The following SESTD1 variants were observed in gnomAD, a reference collection of about 807,000 sequenced individuals.
The protein encoded by SESTD1 is SEC14 and spectrin domain containing 1, also known as SEC14 domain and spectrin repeat-containing protein 1.
In SESTD1, 43 loss-of-function variants were observed where a neutral mutation model predicts 101.7. That is an observed-to-expected ratio of 0.42 (90% CI 0.33 to 0.55). The LOEUF (loss-of-function observed/expected upper bound fraction) is 0.55. Ranked by LOEUF, SESTD1 falls within the 20% of genes least tolerant of loss-of-function variation. The pLI is 0.07. For synonymous variants in SESTD1, 283 were observed against 286.8 expected, an observed-to-expected ratio of 0.99 and a Z score of 0.13; for missense variants, 647 against 815.1, an observed-to-expected ratio of 0.79 and a Z score of 2.51.
At chr2:179,248,009 T>C (rs1391718629) in intron 1 of SESTD1, among the ~76,000 whole-genome samples, 2 of 151,482 alleles carry the variant, frequency 1.3e-5, no homozygotes, top group Non-Finnish European at 2.9e-5. Context: ...AACCAATAAT[T>C]TAAGCTCCCA....
chr2:179,133,793 T>C (rs1211799450), intron 9 of SESTD1, among the ~76,000 whole-genome samples: 1 of 152,146 alleles, frequency 6.6e-6, no homozygotes, highest in Non-Finnish European at 1.5e-5. Flanking sequence ...TTTATAATTA[T>C]ATAAAAATAC....
chr2:179,232,024 G>T (rs7569887), intron 1 of SESTD1, among the ~76,000 whole-genome samples: 40,567 of 151,742 alleles, frequency 0.27, 5,860 homozygotes, highest in South Asian at 0.39. Context: ...CTTATAAACT[G>T]AACTGAAAAC....
chr2:179,185,540 TATG>T (rs891955807), intron 2 of SESTD1, among the ~76,000 whole-genome samples: 16 of 136,544 alleles, frequency 1.2e-4, no homozygotes, highest in South Asian at 4.4e-4. Context: ...ATATGTAATA[TATG>T]ATATGTACAT....
chr2:179,240,315 G>A (rs542239214), intron 1 of SESTD1, among the ~76,000 whole-genome samples: 4 of 152,164 alleles, frequency 2.6e-5, no homozygotes, highest in African/African-American at 9.6e-5. Flanking sequence ...GGAGTGACTT[G>A]GTGTTCTACT....
At chr2:179,138,100 T>C (rs1382512183) in intron 9 of SESTD1, among the ~76,000 whole-genome samples, 1 of 152,030 alleles carries the variant, frequency 6.6e-6, no homozygotes, top group South Asian at 2.1e-4. Context: ...TCACTTGTTA[T>C]CCTGATAAAG....
intron 4 of SESTD1, among the ~76,000 whole-genome samples, chr2:179,175,944 T>C (rs576772009): frequency 6.6e-6 from 1 of 152,324 alleles, no homozygotes; most frequent in East Asian, 1.9e-4. Flanking sequence ...AAGTTTCTTC[T>C]GGGCTACAAA....
chr2:179,194,531 G>A (rs1371891394), intron 1 of SESTD1, among the ~76,000 whole-genome samples: 2 of 152,072 alleles, frequency 1.3e-5, no homozygotes, highest in African/African-American at 4.8e-5. Flanking sequence ...GCACCCATGA[G>A]GAAAAATCCC....
At chr2:179,257,748 C>T (rs905491303) in intron 1 of SESTD1, among the ~76,000 whole-genome samples, 1 of 152,058 alleles carries the variant, frequency 6.6e-6, no homozygotes, top group African/African-American at 2.4e-5. Flanking sequence ...ATGGAGTGGG[C>T]CACAAATCTA....
chr2:179,241,268 G>A (rs1387868959), intron 1 of SESTD1, among the ~76,000 whole-genome samples: 1 of 152,100 alleles, frequency 6.6e-6, no homozygotes, highest in African/African-American at 2.4e-5. Context: ...AGAAGCAGAG[G>A]AGAAAGGGAG....
chr2:179,183,015 G>A, intron 3 of SESTD1, 65 bp downstream of exon 3: 1 of 1,107,418 alleles, frequency 9.0e-7, no homozygotes, highest in Non-Finnish European at 1.3e-6. Flanking sequence ...TTCAACAATA[G>A]AAAGAATCAT....
At chr2:179,193,908 T>G (rs1353886322) in intron 1 of SESTD1, among the ~76,000 whole-genome samples, 10 of 152,176 alleles carry the variant, frequency 6.6e-5, no homozygotes, top group Admixed American at 6.5e-4. Flanking sequence ...CCCAGTACTA[T>G]TTTACAGCTT....
At chr2:179,187,776 A>G (rs1430902148) in intron 2 of SESTD1, among the ~76,000 whole-genome samples, 1 of 152,226 alleles carries the variant, frequency 6.6e-6, no homozygotes. Context: ...AGCAGGGATC[A>G]CTATTCTCAT....
At position 179,198,313 on chromosome 2, in the gene SESTD1, G is replaced by C. The variant is rs568893667; in HGVS notation, c.-25-6447C>G. ...CACCCAGATTCATAAAGCAAGTACTGAGTGACCTACAAAGAGACTTAGACT... is the reference window on the plus strand; with the variant it reads ...CACCCAGATTCATAAAGCAAGTACTCAGTGACCTACAAAGAGACTTAGACT... On this transcript the variant is annotated intron_variant, in intron 1 of 17. Transcript: ENST00000428443. 9.2e-5 allele frequency among the ~76,000 whole-genome samples: 14 copies of C among 152,202 alleles called. No individual in the cohort carries two copies. In the East Asian group the frequency reaches 9.7e-4, roughly 10 times the overall value.
chr2:179,249,890 CAAAA>C (rs60865157), intron 1 of SESTD1, among the ~76,000 whole-genome samples: 1 of 111,384 alleles, frequency 9.0e-6, no homozygotes. Flanking sequence ...TATCCACAGG[CAAAA>C]AAAAAAAAAA....
rs186952793 is a variant in SESTD1, at chr2:179,163,440, T to C, written c.369+8680A>G. ...ATGAAGAAAAACATTACTAGTTGCG[T>C]TCAAAGTAGCTATCATTTTACTAAG... On this transcript the variant is annotated intron_variant, in intron 5 of 17. Transcript: ENST00000428443. Among the ~76,000 whole-genome samples the C allele has an allele frequency of 3.9e-5, 6 of 152,114 alleles. No homozygotes were observed. In the East Asian group the frequency reaches 1.2e-3, roughly 29 times the overall value.
chr2:179,194,695 C>T (rs935359352), intron 1 of SESTD1, among the ~76,000 whole-genome samples: 2 of 152,158 alleles, frequency 1.3e-5, no homozygotes, highest in African/African-American at 4.8e-5. Context: ...CACATGATCA[C>T]TTGCCTGATT....
intron 2 of SESTD1, among the ~76,000 whole-genome samples, chr2:179,190,198 C>T (rs112380545): frequency 2.7e-4 from 41 of 152,246 alleles, no homozygotes; most frequent in African/African-American, 9.6e-4. Context: ...AGTACAGAAA[C>T]AGACACATGG....
intron 10 of SESTD1, among the ~76,000 whole-genome samples, chr2:179,127,571 T>C (rs955074575): frequency 1.3e-5 from 2 of 152,208 alleles, no homozygotes; most frequent in Admixed American, 6.5e-5. Context: ...TTTTGGGTTA[T>C]CACAACTGAG....
In SESTD1 at chr2:179,174,969, G is replaced by A. The variant is rs184791141; in HGVS notation, c.255+1479C>T. Among the ~76,000 whole-genome samples the A allele has an allele frequency of 4.1e-3, 617 of 151,800 alleles. 8 individuals are homozygous for A. Among genetic ancestry groups the A allele is most frequent in the African/African-American group, 0.014 (582 of 41,388 alleles). On this transcript the variant is annotated intron_variant, in intron 4 of 17. Transcript: ENST00000428443. The stretch of plus-strand genomic sequence containing the variant: ...AAAAAAAAAAAAAAAAGGTGGGATG[G>A]GGGGATTCTCATGATGAAAAGTTTA...
Sources: allele counts gnomAD v4.1 joint callset (sites outside exome capture counted in the v4.1 genomes callset), GRCh38; gene constraint gnomAD v4.1.1; transcripts MANE v1.5; gene names NCBI Gene and HGNC (gene_info 2026-07-23, HGNC 2026-07-21).